Variants in ASB5 observed in about 807,000 individuals in gnomAD.
ASB5 encodes ankyrin repeat and SOCS box protein 5.
ASB5 carries 45 observed loss-of-function variants against 42.1 expected under a neutral mutation model. The ratio of observed to expected loss-of-function variants is 1.07; its 90% CI spans 0.84 to 1.37. The LOEUF is 1.37. ASB5 is among the 40% of genes most tolerant of loss of function. The pLI is 0.00. For missense variants in ASB5, 402 were observed against 399.8 expected, an observed-to-expected ratio of 1.01 and a Z score of -0.05; for synonymous variants, 147 against 150.6, an observed-to-expected ratio of 0.98 and a Z score of 0.18.
chr4:176,218,941 A>T (rs1417558375), intron 5 of ASB5, among the ~76,000 whole-genome samples: 2 of 23,736 alleles, frequency 8.4e-5, no homozygotes, highest in African/African-American at 4.3e-4. Context: ...ATAAATATAT[A>T]TGTATGATAT....
chr4:176,219,949 C>A (rs1223974006), intron 5 of ASB5, among the ~76,000 whole-genome samples: 1 of 152,060 alleles, frequency 6.6e-6, no homozygotes, highest in Non-Finnish European at 1.5e-5. Flanking sequence ...CGTTTGGTTT[C>A]CCTTGGCCAC....
In ASB5 at chr4:176,237,297, G is replaced by T. The variant is rs184233178; in HGVS notation, c.197-11956C>A. The T allele has an allele frequency of 1.6e-3, 1,614 of 985,804 alleles. 7 individuals carry two copies. Among genetic ancestry groups the T allele is most frequent in the Non-Finnish European group, 1.9e-3 (1,536 of 829,912 alleles). 61.1% of individuals were successfully genotyped at this position (985,804 alleles called of 1,614,324 possible). A position where few individuals can be genotyped will look rare whatever the true frequency, so the allele number is the denominator to read the frequency against. On this transcript the variant is annotated intron_variant, in intron 1 of 6. Transcript: ENST00000296525. ...TTGAAATGGCTGCTATACTAACCTTGACTGGTCAGAATACCCCAGCTAGCT... is the reference window on the plus strand; with the variant it reads ...TTGAAATGGCTGCTATACTAACCTTTACTGGTCAGAATACCCCAGCTAGCT...
intron 1 of ASB5, among the ~76,000 whole-genome samples, chr4:176,250,040 G>A (rs1318209424): frequency 6.7e-6 from 1 of 149,920 alleles, no homozygotes; most frequent in East Asian, 1.9e-4. Flanking sequence ...ACTCCAGCCT[G>A]GGTGACAGAG....
intron 1 of ASB5, among the ~76,000 whole-genome samples, chr4:176,261,380 TC>T (rs1421363815): frequency 6.6e-6 from 1 of 152,238 alleles, no homozygotes; most frequent in African/African-American, 2.4e-5. Context: ...ATATGCTGAA[TC>T]CTGTAAAGGT....
Position 176,221,524 on chromosome 4 carries a change from A to C in ASB5, c.461T>G (p.Leu154Arg). The C allele has an allele frequency of 6.2e-7, 1 of 1,614,112 alleles. No individual in the cohort carries two copies. Among genetic ancestry groups the C allele is most frequent in the Non-Finnish European group, 8.5e-7 (1 of 1,179,934 alleles). Residue 154 changes from leucine (L) to arginine (R), a missense_variant, in exon 4 of 7, where the codon CTG (leucine) becomes CGG (arginine). By Grantham distance (102) the Leu-to-Arg change is moderately radical. Coordinates refer to ENST00000296525, the MANE Select transcript of ASB5 (RefSeq NM_080874.4). ...CSQGSPSCAE[L>R]LLEYGAKAQL... ...GGCTTTGGCACCATACTCCAGAAGC[A>C]GCTCTGCACAGCTTGGACTGCCTTG...
At chr4:176,216,676 G>C in intron 6 of ASB5, 142 bp downstream of exon 6, 1 of 760,284 alleles carries the variant, frequency 1.3e-6, no homozygotes, top group South Asian at 2.0e-5. Flanking sequence ...TAAAACCTAA[G>C]TTAAAAATCA....
At chr4:176,218,772 ATATT>A (rs1427703940) in intron 5 of ASB5, among the ~76,000 whole-genome samples, 2 of 33,124 alleles carry the variant, frequency 6.0e-5, no homozygotes, top group East Asian at 5.1e-4. Flanking sequence ...ATAAATATAT[ATATT>A]TGTATGATAT....
At chr4:176,271,347 A>T (rs539470543), upstream of ASB5, among the ~76,000 whole-genome samples, 1 of 152,360 alleles carries the variant, frequency 6.6e-6, no homozygotes, top group African/African-American at 2.4e-5. Context: ...AAATAACACT[A>T]TGAACAACTC....
Position 176,221,588 on chromosome 4 carries a change from T to G in ASB5, c.397A>C (p.Thr133Pro), listed in dbSNP as rs774753293. The change falls in exon 4 of 7, where the codon ACG becomes CCG. Residue 133 changes from threonine to proline, a missense_variant. By Grantham distance (38) the Thr-to-Pro change is conservative (BLOSUM62 -1). Transcript: ENST00000296525. ...AATAACGGAGTCACGCCATCTATCG[T>G]GATTGCATTTACCTAAACCAAACCA... is the stretch of plus-strand genomic sequence containing the variant. ...LEAGANVNAI[T>P]IDGVTPLFNA... 1 of 1,611,924 alleles carries G rather than the reference T, an allele frequency of 6.2e-7. No homozygotes were observed. The highest frequency in any genetic ancestry group is 1.1e-5 in the South Asian group (1 of 90,820).
chr4:176,274,774 T>C (rs1385632270), intron 2 of ASB5, among the ~76,000 whole-genome samples: 1 of 152,156 alleles, frequency 6.6e-6, no homozygotes, highest in Non-Finnish European at 1.5e-5. Context: ...ACCATCTCAT[T>C]TTAACTAACC....
intron 6 of ASB5, 26 bp from the exon 7 acceptor site, chr4:176,215,753 T>C (rs1327709221): frequency 6.9e-6 from 11 of 1,586,596 alleles, no homozygotes; most frequent in Non-Finnish European, 9.4e-6. Context: ...AATCTATTTG[T>C]TAATTAAAAT....
upstream of ASB5, among the ~76,000 whole-genome samples, chr4:176,269,653 A>G (rs372748033): frequency 1.3e-5 from 2 of 149,532 alleles, no homozygotes; most frequent in Non-Finnish European, 3.0e-5. Flanking sequence ...TTAAAAAAAC[A>G]TTTTTCTTAC....
chr4:176,264,746 T>C (rs1754324323), intron 1 of ASB5, among the ~76,000 whole-genome samples: 1 of 152,076 alleles, frequency 6.6e-6, no homozygotes, highest in South Asian at 2.1e-4. Flanking sequence ...TGTTAATATC[T>C]AACTCTGGGA....
intron 1 of ASB5, among the ~76,000 whole-genome samples, chr4:176,236,199 GT>G (rs1753681385): frequency 1.3e-5 from 2 of 151,698 alleles, no homozygotes; most frequent in African/African-American, 4.8e-5. Context: ...CATTGACACA[GT>G]TCTATTATGT....
intron 1 of ASB5, among the ~76,000 whole-genome samples, chr4:176,251,200 C>A (rs1019931117): frequency 6.7e-6 from 1 of 149,910 alleles, no homozygotes; most frequent in East Asian, 2.0e-4. Flanking sequence ...TAGCTTCTGA[C>A]AGCAGTTGGG....
intron 1 of ASB5, among the ~76,000 whole-genome samples, chr4:176,265,997 T>A (rs1044880284): frequency 8.5e-5 from 13 of 152,056 alleles, no homozygotes; most frequent in African/African-American, 3.1e-4. Flanking sequence ...AGCAAAAGGA[T>A]CCAGAAGGAA....
chr4:176,251,487 G>T (rs368544039), intron 1 of ASB5, among the ~76,000 whole-genome samples: 4 of 23,414 alleles, frequency 1.7e-4, no homozygotes, highest in African/African-American at 3.7e-4. Context: ...GCGTGAACCC[G>T]GGAGGCGGAG....
At chr4:176,246,629 T>C (rs1753918465) in intron 1 of ASB5, among the ~76,000 whole-genome samples, 1 of 152,218 alleles carries the variant, frequency 6.6e-6, no homozygotes, top group South Asian at 2.1e-4. Context: ...AGAAGCAAAC[T>C]CTCCTCAGTA....
At chr4:176,241,403 A>C in intron 1 of ASB5, 1 of 1,393,492 alleles carries the variant, frequency 7.2e-7, no homozygotes, top group Non-Finnish European at 9.7e-7. Flanking sequence ...AGGGCTCACT[A>C]AGTAAAAAAA....
Sources: allele counts gnomAD v4.1 joint callset (sites outside exome capture counted in the v4.1 genomes callset), GRCh38; gene constraint gnomAD v4.1.1; transcripts MANE v1.5; gene names NCBI Gene and HGNC (gene_info 2026-07-23, HGNC 2026-07-21).